Variants in KPNA3 observed in about 807,000 individuals in gnomAD.
KPNA3 encodes importin subunit alpha-4.
A neutral mutation model predicts 73.8 loss-of-function variants in KPNA3; 13 were observed. That is an observed-to-expected ratio of 0.18 (90% CI 0.11 to 0.28). The LOEUF is 0.28. Among genes scored for constraint, KPNA3 ranks in the 10% least tolerant of loss-of-function variants. The probability of loss-of-function intolerance (pLI) is 1.00; values close to 1 mark genes in which losing one functional copy is unlikely to be tolerated. For synonymous variants in KPNA3, 186 were observed against 206.9 expected (o/e 0.90, Z 0.87); for missense variants, 360 against 618.1 (o/e 0.58, Z 4.43).
At chr13:49,749,069 T>C (rs1357640435) in intron 1 of KPNA3, among the ~76,000 whole-genome samples, 1 of 152,242 alleles carries the variant, frequency 6.6e-6, no homozygotes, top group African/African-American at 2.4e-5. Context: ...CTTAACTATT[T>C]ATGAATTATT....
chr13:49,748,304 C>G (rs1205161944), intron 1 of KPNA3, among the ~76,000 whole-genome samples: 1 of 151,424 alleles, frequency 6.6e-6, no homozygotes, highest in Non-Finnish European at 1.5e-5. Flanking sequence ...TGTTTTGTAT[C>G]AAAAGGTAAG....
chr13:49,729,581 G>A (rs1954442174), intron 6 of KPNA3, among the ~76,000 whole-genome samples: 2 of 152,060 alleles, frequency 1.3e-5, no homozygotes, highest in South Asian at 2.1e-4. Context: ...TCAGGAGATC[G>A]AGACCATCCT....
At chr13:49,730,119 T>C (rs1036821496) in intron 6 of KPNA3, among the ~76,000 whole-genome samples, 4 of 152,332 alleles carry the variant, frequency 2.6e-5, no homozygotes, top group South Asian at 2.1e-4. Context: ...AAGCTGTATA[T>C]ATTTTAGCAT....
intron 6 of KPNA3, among the ~76,000 whole-genome samples, chr13:49,730,146 T>C (rs764611257): frequency 6.6e-6 from 1 of 152,178 alleles, no homozygotes; most frequent in African/African-American, 2.4e-5. Context: ...CTGTATTATA[T>C]GTTATGTTTC....
chr13:49,708,127 T>C (rs937264239), intron 12 of KPNA3, among the ~76,000 whole-genome samples: 7 of 151,938 alleles, frequency 4.6e-5, no homozygotes, highest in East Asian at 3.9e-4. Context: ...TCCTGAGTAG[T>C]TGGGACTACA....
rs185161115 is a variant in KPNA3 at position 49,778,260 on chromosome 13, A to G, written c.69+14178T>C. ...TAAATGTATCTAAATGGAGGTGTAAACAGACTGTAACCTACTTTTGTGCCA... is the reference window on the plus strand; with the variant it reads ...TAAATGTATCTAAATGGAGGTGTAAGCAGACTGTAACCTACTTTTGTGCCA... On this transcript the variant is annotated intron_variant, in intron 1 of 16. Transcript: ENST00000261667. 2.6e-5 allele frequency among the ~76,000 whole-genome samples: 4 copies of G among 152,340 alleles called. No individual in the cohort carries two copies. In the East Asian group the frequency reaches 7.7e-4, roughly 29 times the overall value.
rs747364668 is a variant in KPNA3 at position 49,769,904 on chromosome 13, C to T, written c.69+22534G>A. On this transcript the variant is annotated intron_variant, in intron 1 of 16. Coordinates refer to ENST00000261667, the MANE Select transcript of KPNA3 (RefSeq NM_002267.4). Reference sequence around the variant, plus strand: ...CAATTTCTACTTATCCTTCCCAATGCTATTATTTGTTTGATTTTAGCCATT... The same window carrying T: ...CAATTTCTACTTATCCTTCCCAATGTTATTATTTGTTTGATTTTAGCCATT... Among the ~76,000 whole-genome samples the T allele has an allele frequency of 3.9e-5, 6 of 152,238 alleles. No individual in the cohort carries two copies. In the East Asian group the frequency reaches 1.2e-3, roughly 29 times the overall value.
chr13:49,776,245 A>T (rs1566360238), intron 1 of KPNA3, among the ~76,000 whole-genome samples: 1 of 152,146 alleles, frequency 6.6e-6, no homozygotes, highest in Non-Finnish European at 1.5e-5. Flanking sequence ...ACATCCAAGT[A>T]TCAATTCTTT....
chr13:49,713,850 C>T (rs957721539), intron 10 of KPNA3, among the ~76,000 whole-genome samples: 7 of 152,118 alleles, frequency 4.6e-5, no homozygotes, highest in South Asian at 2.1e-4. Flanking sequence ...ATTACAGGCG[C>T]GTGCCATCAC....
At chr13:49,763,648 A>G (rs907454825) in intron 1 of KPNA3, among the ~76,000 whole-genome samples, 2 of 152,200 alleles carry the variant, frequency 1.3e-5, no homozygotes, top group African/African-American at 4.8e-5. Context: ...AACAGACTAA[A>G]AACTGGCCAG....
At chr13:49,736,981 T>G (rs1277806063) in intron 2 of KPNA3, among the ~76,000 whole-genome samples, 2 of 152,194 alleles carry the variant, frequency 1.3e-5, no homozygotes, top group Non-Finnish European at 2.9e-5. Flanking sequence ...TGTCTGGAGA[T>G]TTATATAAAT....
chr13:49,699,714 C>T lies in KPNA3; in HGVS notation c.*2086G>A, dbSNP rs1200164749. 2 of 152,588 alleles carry T rather than the reference C, an allele frequency of 1.3e-5. No homozygotes were observed. Among genetic ancestry groups the T allele is most frequent in the Non-Finnish European group, 2.9e-5 (2 of 68,020 alleles). The allele number at this position is 152,588 out of a possible 1,614,324, so 9.5% of individuals were successfully genotyped here. On this transcript the variant is annotated 3_prime_UTR_variant, in exon 17 of 17. Coordinates refer to ENST00000261667, the MANE Select transcript of KPNA3 (RefSeq NM_002267.4). ...AATGTGTGCAAATTTTAAAAGGTAACTGTCAGTTAAGTAAGGAAAGTCCAG... is the reference window on the plus strand; with the variant it reads ...AATGTGTGCAAATTTTAAAAGGTAATTGTCAGTTAAGTAAGGAAAGTCCAG...
rs541673893 is a variant in KPNA3 at position 49,712,320 on chromosome 13, C to T, written c.772-1298G>A. On this transcript the variant is annotated intron_variant, in intron 10 of 16. Coordinates refer to ENST00000261667, the MANE Select transcript of KPNA3 (RefSeq NM_002267.4). ...ACATATTGGAATTATCTGACAAGGA[C>T]TTGATAAGATTTTAAAGTAACTATC... Among the ~76,000 whole-genome samples the T allele has an allele frequency of 2.4e-4, 37 of 152,088 alleles. No homozygotes were observed. In the South Asian group the frequency reaches 7.3e-3, roughly 30 times the overall value.
At chr13:49,774,158 G>A (rs1223234674) in intron 1 of KPNA3, among the ~76,000 whole-genome samples, 1 of 151,928 alleles carries the variant, frequency 6.6e-6, no homozygotes, top group Non-Finnish European at 1.5e-5. Flanking sequence ...CCCTGCCTCA[G>A]CCTCCCAAAG....
Position 49,763,558 on chromosome 13 carries a change from G to A in KPNA3, c.70-16565C>T, listed in dbSNP as rs1396921818. Among the ~76,000 whole-genome samples, 3 of 152,146 alleles carry A rather than the reference G, an allele frequency of 2.0e-5. No individual in the cohort carries two copies. In the East Asian group the frequency reaches 5.8e-4, roughly 29 times the overall value. On this transcript the variant is annotated intron_variant, in intron 1 of 16. Transcript: ENST00000261667. ...TCAAGACACCCAACAAACTCCAAGT[G>A]GGAAAATAAAAAGATTTCTTTTCCC...
intron 12 of KPNA3, among the ~76,000 whole-genome samples, chr13:49,708,963 T>C (rs1954233572): frequency 6.6e-6 from 1 of 152,162 alleles, no homozygotes; most frequent in East Asian, 1.9e-4. Flanking sequence ...ACCAGCCCAT[T>C]CAAATGGCAG....
intron 6 of KPNA3, among the ~76,000 whole-genome samples, chr13:49,731,995 T>C (rs1566342750): frequency 6.6e-6 from 1 of 152,192 alleles, no homozygotes. Flanking sequence ...CTGGAAACCA[T>C]CCATGTTGAC....
chr13:49,734,226 T>C (rs2137556680), intron 2 of KPNA3, among the ~76,000 whole-genome samples: 1 of 152,240 alleles, frequency 6.6e-6, no homozygotes, highest in East Asian at 1.9e-4. Context: ...CTACTGTTCA[T>C]TTTTAGGTAT....
chr13:49,731,690 G>A (rs770748410), intron 6 of KPNA3, among the ~76,000 whole-genome samples: 21 of 152,028 alleles, frequency 1.4e-4, no homozygotes, highest in Admixed American at 1.3e-4. Flanking sequence ...GTTTTAATAT[G>A]TTTTGGAGTT....
Sources: gnomAD v4.1 joint callset for allele counts (sites outside exome capture counted in the v4.1 genomes callset) on GRCh38, gnomAD v4.1.1 for gene constraint, MANE v1.5 for transcripts, NCBI Gene and HGNC (gene_info 2026-07-23, HGNC 2026-07-21) for gene names.